Variants in XKR9 observed in about 807,000 individuals in gnomAD.
The protein encoded by XKR9 is XK related 9, also known as XK-related protein 9.
Under a neutral mutation model 32.0 loss-of-function variants are expected in XKR9, and 32 were observed. That is an observed-to-expected ratio of 1.00 (90% CI 0.76 to 1.34). The LOEUF is 1.34. XKR9 is among the 40% of genes most tolerant of loss of function. XKR9 has a pLI of 0.00. For synonymous variants in XKR9, 168 were observed against 143.4 expected (o/e 1.17, Z -1.22); for missense variants, 546 against 429.7 (o/e 1.27, Z -2.39).
chr8:70,783,553 T>G (rs143712062), intron 2 of XKR9, among the ~76,000 whole-genome samples: 1 of 152,322 alleles, frequency 6.6e-6, no homozygotes, highest in Non-Finnish European at 1.5e-5. Context: ...AGTTTTTTGT[T>G]TTTTTGCTGA....
the XKR9 span, among the ~76,000 whole-genome samples, chr8:70,858,007 G>A: frequency 1.3e-5 from 2 of 152,060 alleles, no homozygotes; most frequent in African/African-American, 4.8e-5. Flanking sequence ...ACAGCCAATA[G>A]CATACTGAAT....
At chr8:71,047,641 C>A in the XKR9 span, among the ~76,000 whole-genome samples, 2 of 152,152 alleles carry the variant, frequency 1.3e-5, no homozygotes, top group African/African-American at 4.8e-5. Flanking sequence ...ATTTGAGGCA[C>A]TTATCTTTAT....
chr8:70,857,742 C>A, the XKR9 span, among the ~76,000 whole-genome samples: 3 of 152,160 alleles, frequency 2.0e-5, no homozygotes, highest in African/African-American at 7.2e-5. Flanking sequence ...CCGAATCCAG[C>A]AGCACATCAA....
the XKR9 span, among the ~76,000 whole-genome samples, chr8:70,919,263 G>A: frequency 6.6e-6 from 1 of 152,136 alleles, no homozygotes; most frequent in Non-Finnish European, 1.5e-5. Flanking sequence ...ACTTTTTTCA[G>A]GGGGAAGATT....
chr8:70,710,683 G>A (rs143501336), intron 4 of XKR9, among the ~76,000 whole-genome samples: 20 of 151,516 alleles, frequency 1.3e-4, no homozygotes, highest in Non-Finnish European at 2.7e-4. Context: ...CAACCTGGGT[G>A]ACAGAGCGAG....
rs1806804908 is a variant in XKR9, at chr8:70,734,602, G to A, written c.*178G>A. On this transcript the variant is annotated 3_prime_UTR_variant, in exon 5 of 5. Coordinates refer to ENST00000408926, the MANE Select transcript of XKR9 (RefSeq NM_001011720.2). ...TAAAATTAATTTCTCATTTGGTTTT[G>A]AAGATCTTGAGTACTCAGATATCTT... 4 of 841,434 alleles carry A rather than the reference G, an allele frequency of 4.8e-6. No homozygotes were observed. The highest frequency in any genetic ancestry group is 6.2e-6 in the Non-Finnish European group (4 of 640,316). 52.1% of individuals were successfully genotyped at this position (841,434 alleles called of 1,614,324 possible). A position where few individuals can be genotyped will look rare whatever the true frequency, so the allele number is the denominator to read the frequency against.
chr8:70,726,313 C>T (rs752342750), intron 4 of XKR9, among the ~76,000 whole-genome samples: 10 of 152,170 alleles, frequency 6.6e-5, no homozygotes, highest in Non-Finnish European at 1.5e-4. Flanking sequence ...TCATCCGCGT[C>T]AATTCATGAA....
At chr8:71,007,017 G>A in the XKR9 span, among the ~76,000 whole-genome samples, 12 of 152,250 alleles carry the variant, frequency 7.9e-5, no homozygotes, top group African/African-American at 2.2e-4. Flanking sequence ...CTCAGGCTTC[G>A]TGTTATAATC....
intron 2 of XKR9, among the ~76,000 whole-genome samples, chr8:70,781,260 A>T (rs889289062): frequency 6.6e-6 from 1 of 152,032 alleles, no homozygotes; most frequent in Non-Finnish European, 1.5e-5. Flanking sequence ...TCCATTTTAA[A>T]TTGGGTTATT....
chr8:70,714,905 G>T (rs1181346642), intron 4 of XKR9, among the ~76,000 whole-genome samples: 1 of 152,042 alleles, frequency 6.6e-6, no homozygotes, highest in Non-Finnish European at 1.5e-5. Flanking sequence ...TTAGACTGAG[G>T]AAAAGGCATA....
intron 2 of XKR9, among the ~76,000 whole-genome samples, chr8:70,748,364 T>A (rs449702): frequency 6.6e-6 from 1 of 152,232 alleles, no homozygotes; most frequent in East Asian, 1.9e-4. Flanking sequence ...GGCTTGGAAG[T>A]GTCTGCTCCT....
At chr8:70,678,685 A>G (rs994100388) in intron 2 of XKR9, among the ~76,000 whole-genome samples, 12 of 152,088 alleles carry the variant, frequency 7.9e-5, no homozygotes, top group Admixed American at 6.6e-4. Flanking sequence ...CAGTTTTTAA[A>G]CTGTTTTTTT....
chr8:70,770,089 G>T (rs956735538), intron 2 of XKR9, among the ~76,000 whole-genome samples: 1 of 152,130 alleles, frequency 6.6e-6, no homozygotes, highest in Non-Finnish European at 1.5e-5. Context: ...ATCTACTGTT[G>T]CTCTTTAATG....
the XKR9 span, among the ~76,000 whole-genome samples, chr8:70,831,347 G>C: frequency 6.7e-6 from 1 of 149,902 alleles, no homozygotes. Flanking sequence ...TTCAAATTCT[G>C]TTGTTCCAGA....
intron 3 of XKR9, among the ~76,000 whole-genome samples, chr8:70,686,891 T>C (rs1819300013): frequency 6.6e-6 from 1 of 152,220 alleles, no homozygotes; most frequent in African/African-American, 2.4e-5. Context: ...ACATATATAA[T>C]GTATGATAAT....
chr8:70,793,183 C>A (rs765690266), downstream of XKR9, among the ~76,000 whole-genome samples: 3 of 152,000 alleles, frequency 2.0e-5, no homozygotes, highest in Non-Finnish European at 2.9e-5. Context: ...TTAAAATGAG[C>A]ATTCTTCTCT....
At chr8:70,851,333 A>G in the XKR9 span, among the ~76,000 whole-genome samples, 80 of 152,250 alleles carry the variant, frequency 5.3e-4, 1 homozygote, top group Admixed American at 1.2e-3. Flanking sequence ...GGAAGAATCA[A>G]TATCATGAAA....
the XKR9 span, among the ~76,000 whole-genome samples, chr8:70,956,416 C>T: frequency 1.3e-5 from 2 of 152,056 alleles, no homozygotes; most frequent in Non-Finnish European, 2.9e-5. Flanking sequence ...CCACAGCAGG[C>T]CTGGAAAAAG....
At position 70,784,534 on chromosome 8, in the gene XKR9, G is replaced by A. The variant is rs946151770; in HGVS notation, n.353-4805G>A. ...GTAGAAATGCTACTGATTTTTGTGC[G>A]TTGATTTTGTACCTTGCAACTTTAC... On this transcript the variant is annotated intron_variant and non_coding_transcript_variant, in intron 2 of 3. Coordinates refer to the XKR9 transcript ENST00000520273. Among the ~76,000 whole-genome samples the A allele has an allele frequency of 7.3e-5, 11 of 151,390 alleles. No individual in the cohort carries two copies. In the South Asian group the frequency reaches 8.4e-4, roughly 12 times the overall value.
Sources: allele counts gnomAD v4.1 joint callset (sites outside exome capture counted in the v4.1 genomes callset), GRCh38; gene constraint gnomAD v4.1.1; transcripts MANE v1.5; gene names NCBI Gene and HGNC (gene_info 2026-07-23, HGNC 2026-07-21).